IL17RA: variants seen among roughly 807,000 people sequenced by gnomAD.
The protein encoded by IL17RA is interleukin 17 receptor A, also known as interleukin-17 receptor A.
A neutral mutation model predicts 50.4 loss-of-function variants in IL17RA; 34 were observed. The observed-to-expected ratio is 0.67, with a 90% CI of 0.51 to 0.90. The LOEUF is 0.90. IL17RA is among the 40% of genes least tolerant of loss of function. The pLI is 0.00. For synonymous variants in IL17RA, 585 were observed against 510.4 expected, an observed-to-expected ratio of 1.15 and a Z score of -1.97; for missense variants, 1,276 against 1,169.8, an observed-to-expected ratio of 1.09 and a Z score of -1.32.
Position 17,102,301 on chromosome 22 carries a change from C to T in IL17RA, c.761C>T (p.Ala254Val), listed in dbSNP as rs748859963. The change falls in exon 7 of 13, where the codon GCG becomes GTG. Residue 254 changes from alanine (A) to valine (V), a missense_variant and splice_region_variant. Coordinates refer to ENST00000319363, the MANE Select transcript of IL17RA (RefSeq NM_014339.7). ...TTTGAGCACATGCACCACATACCTG[C>T]GGTAACTCTGCTCTTTTTGACCCCT... is the stretch of plus-strand genomic sequence containing the variant. ...SCFEHMHHIP[A>V]PRPEEFHQRS... The T allele has an allele frequency of 3.7e-6, 6 of 1,614,148 alleles. No individual in the cohort carries two copies. Among genetic ancestry groups the T allele is most frequent in the Non-Finnish European group, 4.2e-6 (5 of 1,180,010 alleles).
Position 17,105,837 on chromosome 22 carries a change from G to A in IL17RA, c.944-16G>A, listed in dbSNP as rs201595468. ...CAGGCCCCGCCGCATCACTCACGCT[G>A]TTCTGCTCACCGCAGACTACATGCC... On this transcript the variant is annotated splice_polypyrimidine_tract_variant and intron_variant, in intron 10 of 12. Coordinates refer to ENST00000319363, the MANE Select transcript of IL17RA (RefSeq NM_014339.7). 286 of 1,604,492 alleles carry A rather than the reference G, an allele frequency of 1.8e-4. 2 individuals carry two copies. The African/African-American group carries it at 2.4e-3, about 14-fold the overall frequency.
chr22:17,087,456 T>C (rs1023671950), intron 1 of IL17RA, among the ~76,000 whole-genome samples: 1 of 152,252 alleles, frequency 6.6e-6, no homozygotes. Context: ...GGGAGGAGGC[T>C]TCTGCACACC....
rs557451765 is a variant in IL17RA at position 17,097,239 on chromosome 22, G to T, written c.163+153G>T. On this transcript the variant is annotated intron_variant, in intron 2 of 12. Coordinates refer to ENST00000319363, the MANE Select transcript of IL17RA (RefSeq NM_014339.7). Reference sequence around the variant, plus strand: ...AGGGTTCCCGGAGAATTGTGGATGCGTGCACCTGCGCTTCCTGTCGAGAAC... The same window carrying T: ...AGGGTTCCCGGAGAATTGTGGATGCTTGCACCTGCGCTTCCTGTCGAGAAC... 8 of 734,014 alleles carry T rather than the reference G, an allele frequency of 1.1e-5. No homozygotes were observed. The African/African-American group carries it at 1.2e-4, about 11-fold the overall frequency. 45.5% of individuals were successfully genotyped at this position (734,014 alleles called of 1,614,324 possible). A position where few individuals can be genotyped will look rare whatever the true frequency, so the allele number is the denominator to read the frequency against.
chr22:17,094,681 C>A (rs1341648880), intron 1 of IL17RA, among the ~76,000 whole-genome samples: 10,184 of 46,868 alleles, frequency 0.22, 2,001 homozygotes, highest in Non-Finnish European at 0.3. Flanking sequence ...CTCTCTCTCT[C>A]TCTCTCTCTC....
At chr22:17,103,444 T>G (rs373791322) in intron 7 of IL17RA, 50 bp from the exon 8 acceptor site, 106 of 1,502,934 alleles carry the variant, frequency 7.1e-5, no homozygotes, top group Non-Finnish European at 9.1e-5. Context: ...CTTACCCAAC[T>G]AGCCTTACCC....
In IL17RA at chr22:17,105,941, C is replaced by A. The variant is rs753127082; in HGVS notation, c.1032C>A (p.Thr344=). Residue 344 remains threonine, a synonymous_variant, in exon 11 of 13, where the codon ACC becomes ACA. Transcript: ENST00000319363. ...TCATCCTGCTCATCGTCTGCATGAC[C>A]TGGAGGCTAGCTGGTAAGCGCTGGG... The part of the protein sequence containing the change: ...GSVILLIVCM[T]WRLAGPGSEK... The A allele has an allele frequency of 6.2e-7, 1 of 1,614,020 alleles. No homozygotes were observed. The highest frequency in any genetic ancestry group is 1.7e-5 in the Admixed American group (1 of 59,994).
chr22:17,109,314 G>A lies in IL17RA; in HGVS notation c.2095G>A (p.Glu699Lys). Residue 699 changes from glutamate (E) to lysine (K), a missense_variant, in exon 13 of 13, where the codon GAG becomes AAG. By Grantham distance (56) the Glu-to-Lys change is moderately conservative (BLOSUM62 1). Coordinates refer to ENST00000319363, the MANE Select transcript of IL17RA (RefSeq NM_014339.7). ...CGCAGTCCGGCTGGCACTGGCGGGGGAGGGCGAGGCCTGCCCGCTGCTGGG... is the reference window on the plus strand; with the variant it reads ...CGCAGTCCGGCTGGCACTGGCGGGGAAGGGCGAGGCCTGCCCGCTGCTGGG... ...GAAVRLALAG[E>K]GEACPLLGSP... is the part of the protein sequence containing the mutation. 2.0e-6 allele frequency: 3 copies of A among 1,535,826 alleles called. No individual in the cohort carries two copies. Among genetic ancestry groups the A allele is most frequent in the South Asian group, 1.2e-5 (1 of 84,062 alleles).
At chr22:17,099,501 A>G (rs2061382151) in intron 4 of IL17RA, among the ~76,000 whole-genome samples, 1 of 151,866 alleles carries the variant, frequency 6.6e-6, no homozygotes, top group African/African-American at 2.4e-5. Context: ...CAGGCCAGAA[A>G]CTCTTAGGGT....
At chr22:17,092,592 C>G (rs2061351814) in intron 1 of IL17RA, among the ~76,000 whole-genome samples, 1 of 151,990 alleles carries the variant, frequency 6.6e-6, no homozygotes, top group African/African-American at 2.4e-5. Flanking sequence ...GAAACCACCC[C>G]CCGCCAATAT....
intron 9 of IL17RA, 29 bp from the exon 10 acceptor site, chr22:17,105,562 T>A (rs369705848): frequency 2.5e-5 from 41 of 1,609,016 alleles, no homozygotes; most frequent in Non-Finnish European, 3.3e-5. Context: ...AGAATGCTAT[T>A]TTCCCTTTTT....
chr22:17,088,126 G>A (rs530826804), intron 1 of IL17RA, among the ~76,000 whole-genome samples: 6 of 152,178 alleles, frequency 3.9e-5, no homozygotes, highest in Non-Finnish European at 8.8e-5. Context: ...TTGGCCCAAG[G>A]TCGCACAGCT....
In IL17RA at chr22:17,108,776, G is replaced by C. The variant is rs540682212; in HGVS notation, c.1557G>C (p.Ala519=). Reference sequence around the variant, plus strand: ...GCGACGTCCCCGACCTGTTCGGCGCGGCGCCGCGGTACCCGCTCATGGACA... The same window carrying C: ...GCGACGTCCCCGACCTGTTCGGCGCCGCGCCGCGGTACCCGCTCATGGACA... ...CDGDVPDLFG[A]APRYPLMDRF... The change falls in exon 13 of 13, where the codon GCG becomes GCC. Residue 519 remains alanine (A), a synonymous_variant. Coordinates refer to ENST00000319363, the MANE Select transcript of IL17RA (RefSeq NM_014339.7). The C allele has an allele frequency of 1.2e-6, 2 of 1,608,190 alleles. No individual in the cohort carries two copies. Among genetic ancestry groups the C allele is most frequent in the East Asian group, 2.2e-5 (1 of 44,554 alleles).
At chr22:17,104,606 G>A in intron 8 of IL17RA, 120 bp from the exon 9 acceptor site, 1 of 876,754 alleles carries the variant, frequency 1.1e-6, no homozygotes, top group South Asian at 1.4e-5. Flanking sequence ...GGAGATGATG[G>A]TCACCTGGAG....
At chr22:17,095,647 A>G (rs1164584940) in intron 1 of IL17RA, among the ~76,000 whole-genome samples, 1 of 152,174 alleles carries the variant, frequency 6.6e-6, no homozygotes, top group Non-Finnish European at 1.5e-5. Context: ...GAAAAATGAG[A>G]GGACTCAGGG....
chr22:17,089,153 G>A lies in IL17RA; in HGVS notation c.138+3924G>A, dbSNP rs41505148. 6.6e-3 allele frequency among the ~76,000 whole-genome samples: 1,000 copies of A among 151,478 alleles called. 12 individuals are homozygous for A. Among genetic ancestry groups the A allele is most frequent in the African/African-American group, 0.023 (955 of 41,300 alleles). ...TCACCAGGTTGGCCAGACTGGTCTC[G>A]AACTCTTTATCTGCCCACCTCGGCC... On this transcript the variant is annotated intron_variant, in intron 1 of 12. Coordinates refer to ENST00000319363, the MANE Select transcript of IL17RA (RefSeq NM_014339.7).
chr22:17,101,129 A>G (rs41371444), intron 5 of IL17RA, among the ~76,000 whole-genome samples: 2,048 of 152,226 alleles, frequency 0.013, 51 homozygotes, highest in African/African-American at 0.046. Flanking sequence ...TCCTAGCTCA[A>G]TGCAGCCTCG....
chr22:17,108,427 T>C lies in IL17RA; in HGVS notation c.1208T>C (p.Leu403Pro). Residue 403 changes from leucine to proline, a missense_variant, in exon 13 of 13, where the codon CTC (leucine) becomes CCC (proline). Coordinates refer to ENST00000319363, the MANE Select transcript of IL17RA (RefSeq NM_014339.7). The part of the protein sequence containing the change: ...DVVLKFAQFL[L>P]TACGTEVALD... The stretch of plus-strand genomic sequence containing the variant: ...GTCCTGAAATTCGCCCAGTTCCTGC[T>C]CACCGCCTGCGGCACGGAAGTGGCC... 6.2e-7 allele frequency: 1 copy of C among 1,613,968 alleles called. No individual in the cohort carries two copies. Among genetic ancestry groups the C allele is most frequent in the Non-Finnish European group, 8.5e-7 (1 of 1,180,030 alleles).
At chr22:17,103,616 C>A in intron 8 of IL17RA, 39 bp downstream of exon 8, 1 of 1,511,242 alleles carries the variant, frequency 6.6e-7, no homozygotes, top group Non-Finnish European at 9.1e-7. Context: ...GGGAGCAAAA[C>A]AGGTGGCAAT....
chr22:17,113,273 A>G lies in IL17RA; in HGVS notation c.*3453A>G, dbSNP rs1387134621. The G allele has an allele frequency of 1.3e-5, 2 of 152,238 alleles. No individual in the cohort carries two copies. Among genetic ancestry groups the G allele is most frequent in the Non-Finnish European group, 2.9e-5 (2 of 68,098 alleles). 9.4% of individuals were successfully genotyped at this position (152,238 alleles called of 1,614,324 possible). A position where few individuals can be genotyped will look rare whatever the true frequency, so the allele number is the denominator to read the frequency against. ...CAGTGGTGCAATCATGGCTCACTGC[A>G]GCCTCGACCTCCCAGGCTCAAGCCA... On this transcript the variant is annotated 3_prime_UTR_variant, in exon 13 of 13. Transcript: ENST00000319363.
Sources: allele counts gnomAD v4.1 joint callset (sites outside exome capture counted in the v4.1 genomes callset), GRCh38; gene constraint gnomAD v4.1.1; transcripts MANE v1.5; gene names NCBI Gene and HGNC (gene_info 2026-07-23, HGNC 2026-07-21).